Variants in RB1 observed in about 807,000 individuals in gnomAD.
RB1 encodes the protein RB transcriptional corepressor 1, also known as retinoblastoma-associated protein.
Under a neutral mutation model 135.4 loss-of-function variants are expected in RB1, and 18 were observed. That is an observed-to-expected ratio of 0.13 (90% CI 0.09 to 0.20). RB1 has a LOEUF of 0.20. RB1 is among the 10% of genes least tolerant of loss of function. The pLI is 1.00. For synonymous variants in RB1, 365 were observed against 373.2 expected (o/e 0.98, Z 0.25); for missense variants, 868 against 1,110.0 (o/e 0.78, Z 3.10).
intron 17 of RB1, among the ~76,000 whole-genome samples, chr13:48,425,230 G>T (rs1302571974): frequency 3.3e-5 from 5 of 152,124 alleles, no homozygotes; most frequent in Admixed American, 3.3e-4. Flanking sequence ...TAAATTTCAG[G>T]TCTTGAAGGC....
At chr13:48,426,686 G>A (rs1949083982) in intron 17 of RB1, 1 of 152,208 alleles carries the variant, frequency 6.6e-6, no homozygotes, top group Admixed American at 6.5e-5. Context: ...TATTGCTGGA[G>A]CAGGAACTCG....
chr13:48,378,426 G>C (rs528426758), intron 13 of RB1, among the ~76,000 whole-genome samples: 2 of 152,058 alleles, frequency 1.3e-5, no homozygotes, highest in African/African-American at 2.4e-5. Flanking sequence ...GCCTACACAG[G>C]ATCAGGATTA....
At chr13:48,437,920 G>C (rs1268775007) in intron 17 of RB1, among the ~76,000 whole-genome samples, 1 of 152,132 alleles carries the variant, frequency 6.6e-6, no homozygotes, top group African/African-American at 2.4e-5. Flanking sequence ...TTATGACTTA[G>C]TGTCAATTAG....
At chr13:48,452,567 C>T (rs1178854779) in intron 17 of RB1, among the ~76,000 whole-genome samples, 2 of 151,980 alleles carry the variant, frequency 1.3e-5, no homozygotes, top group African/African-American at 2.4e-5. Flanking sequence ...CTATCTATCT[C>T]TTTTCTTTAT....
At chr13:48,461,622 G>C (rs913877755) in intron 20 of RB1, among the ~76,000 whole-genome samples, 5 of 151,770 alleles carry the variant, frequency 3.3e-5, no homozygotes, top group African/African-American at 1.2e-4. Context: ...TAATGTATGA[G>C]GTTCTAATTT....
At chr13:48,314,335 G>A (rs1566177229) in intron 2 of RB1, among the ~76,000 whole-genome samples, 2 of 152,142 alleles carry the variant, frequency 1.3e-5, no homozygotes, top group Non-Finnish European at 1.5e-5. Context: ...CATGCATATG[G>A]AATGTCTTTT....
At chr13:48,442,869 A>G (rs1290894702) in intron 17 of RB1, among the ~76,000 whole-genome samples, 1 of 152,186 alleles carries the variant, frequency 6.6e-6, no homozygotes, top group Non-Finnish European at 1.5e-5. Context: ...GCACTTTTCA[A>G]AATACTTTAA....
chr13:48,421,584 T>C (rs919687681), intron 17 of RB1, among the ~76,000 whole-genome samples: 6 of 152,224 alleles, frequency 3.9e-5, no homozygotes, highest in African/African-American at 1.4e-4. Flanking sequence ...ACAGGCAACC[T>C]ACAGAATGGG....
chr13:48,454,037 G>A (rs1442737923), intron 18 of RB1, among the ~76,000 whole-genome samples: 1 of 152,186 alleles, frequency 6.6e-6, no homozygotes, highest in Admixed American at 6.5e-5. Flanking sequence ...ATCACTAACT[G>A]TGTGCTGGGC....
chr13:48,356,201 A>G (rs1593441517), intron 6 of RB1, among the ~76,000 whole-genome samples: 2 of 152,162 alleles, frequency 1.3e-5, no homozygotes, highest in East Asian at 3.9e-4. Flanking sequence ...TGTACCCACA[A>G]AAATTAAAAT....
At chr13:48,461,533 A>G (rs923666303) in intron 20 of RB1, among the ~76,000 whole-genome samples, 1 of 152,166 alleles carries the variant, frequency 6.6e-6, no homozygotes, top group Non-Finnish European at 1.5e-5. Flanking sequence ...GCTAGGTCAT[A>G]TGATAATTCT....
chr13:48,339,418 C>A (rs1952420555), intron 2 of RB1, among the ~76,000 whole-genome samples: 1 of 152,226 alleles, frequency 6.6e-6, no homozygotes, highest in Non-Finnish European at 1.5e-5. Flanking sequence ...AGTTTGATCT[C>A]AGACTGCTGT....
chr13:48,339,677 T>C (rs1304476964), intron 2 of RB1, among the ~76,000 whole-genome samples: 1 of 152,144 alleles, frequency 6.6e-6, no homozygotes, highest in Non-Finnish European at 1.5e-5. Context: ...TGCACTCACT[T>C]TCCTGCACCC....
intron 2 of RB1, among the ~76,000 whole-genome samples, chr13:48,335,564 C>CAAATATGTTTGTTGA (rs1259176807): frequency 6.6e-6 from 1 of 151,174 alleles, no homozygotes; most frequent in Non-Finnish European, 1.5e-5. Context: ...ACATTATTCT[C>CAAATATGTTTGTTGA]AAATATGTTT....
rs999892319 is a variant in RB1, at chr13:48,367,412, C to A, written c.940-82C>A. 14 of 1,462,916 alleles carry A rather than the reference C, an allele frequency of 9.6e-6. No homozygotes were observed. The East Asian group carries it at 1.4e-4, about 15-fold the overall frequency. 90.6% of individuals were successfully genotyped at this position (1,462,916 alleles called of 1,614,324 possible). A position where few individuals can be genotyped will look rare whatever the true frequency, so the allele number is the denominator to read the frequency against. On this transcript the variant is annotated intron_variant, in intron 9 of 26. Transcript: ENST00000267163. ...ATTAAATGTATATTATACAAAAATT[C>A]TTTAATGAAATCTGTGCCTCTGTGT...
At chr13:48,411,602 T>G in intron 17 of RB1, 1 of 1,612,306 alleles carries the variant, frequency 6.2e-7, no homozygotes, top group Non-Finnish European at 8.5e-7. Context: ...AGAGAGTGAT[T>G]GGGTACATTG....
At position 48,319,282 on chromosome 13, in the gene RB1, G is replaced by A; in HGVS notation, c.264+11876G>A. 1.3e-6 allele frequency: 1 copy of A among 762,546 alleles called. No homozygotes were observed. The highest frequency in any genetic ancestry group is 2.0e-6 in the Non-Finnish European group (1 of 494,082). 47.2% of individuals were successfully genotyped at this position (762,546 alleles called of 1,614,324 possible). A position where few individuals can be genotyped will look rare whatever the true frequency, so the allele number is the denominator to read the frequency against. On this transcript the variant is annotated intron_variant, in intron 2 of 26. Transcript: ENST00000267163. This position sits in a 1 kb window ranked among gnomAD's most constrained non-coding sequence, Gnocchi z 5.0. ...TGTGGCGCTGCTTGTGCTGTGTGCGGGGTCAGGCGTCCTCTCTCCTCCCGG... is the reference window on the plus strand; with the variant it reads ...TGTGGCGCTGCTTGTGCTGTGTGCGAGGTCAGGCGTCCTCTCTCCTCCCGG...
In RB1 at chr13:48,334,015, T is replaced by C. The variant is rs117057640; in HGVS notation, c.265-8584T>C. On this transcript the variant is annotated intron_variant, in intron 2 of 26. Coordinates refer to ENST00000267163, the MANE Select transcript of RB1 (RefSeq NM_000321.3). ...TTCAAATTTATTTTAATTTTTCTGA[T>C]CATATGCTGCATGATCTGTAAGAGT... Among the ~76,000 whole-genome samples, 845 of 152,302 alleles carry C rather than the reference T, an allele frequency of 5.5e-3. 5 individuals are homozygous for C. The highest frequency in any genetic ancestry group is 0.01 in the Middle Eastern group (3 of 294).
Position 48,380,202 on chromosome 13 carries a change from T to C in RB1, c.1459T>C (p.Leu487=), listed in dbSNP as rs1269949158. The part of the protein sequence containing the change: ...LNDNIFHMSL[L]ACALEVVMAT... ...TGACAACATTTTTCATATGTCTTTA[T>C]TGGCGTGCGCTCTTGAGGTTGTAAT... The change falls in exon 16 of 27, where the codon TTG becomes CTG. Residue 487 remains leucine, a synonymous_variant. Transcript: ENST00000267163. 3 of 1,606,008 alleles carry C rather than the reference T, an allele frequency of 1.9e-6. No individual in the cohort carries two copies. The highest frequency in any genetic ancestry group is 3.3e-5 in the Admixed American group (2 of 59,768).
Sources: gnomAD v4.1 joint callset for allele counts (sites outside exome capture counted in the v4.1 genomes callset) on GRCh38, gnomAD v4.1.1 for gene constraint, Gnocchi (gnomAD v3.1) non-coding constraint, MANE v1.5 for transcripts, NCBI Gene and HGNC (gene_info 2026-07-23, HGNC 2026-07-21) for gene names.